Variants in FOXP1 observed in about 807,000 individuals in gnomAD.
The protein encoded by FOXP1 is forkhead box protein P1.
A neutral mutation model predicts 98.2 loss-of-function variants in FOXP1; 15 were observed. The observed-to-expected ratio is 0.15, with a 90% CI of 0.10 to 0.24. FOXP1 has a LOEUF of 0.24. Ranked by LOEUF, FOXP1 falls within the 10% of genes least tolerant of loss-of-function variation. The pLI, the probability that FOXP1 is intolerant of heterozygous loss-of-function variation, is 1.00. For synonymous variants in FOXP1, 371 were observed against 314.5 expected (o/e 1.18, Z -1.90); for missense variants, 633 against 848.5 (o/e 0.75, Z 3.15).
intron 14 of FOXP1, 82 bp from the exon 15 acceptor site, chr3:70,978,111 G>A: frequency 8.8e-7 from 1 of 1,129,996 alleles, no homozygotes; most frequent in South Asian, 1.2e-5. Flanking sequence ...GAGTAACACA[G>A]AGGATGCGTG....
At chr3:71,545,673 T>C (rs1269120960) in intron 2 of FOXP1, among the ~76,000 whole-genome samples, 1 of 152,220 alleles carries the variant, frequency 6.6e-6, no homozygotes, top group Non-Finnish European at 1.5e-5. Flanking sequence ...AGCTATAATA[T>C]AAATTTAACC....
intron 13 of FOXP1, among the ~76,000 whole-genome samples, chr3:70,989,225 C>T (rs1021558130): frequency 6.6e-6 from 1 of 151,862 alleles, no homozygotes; most frequent in Admixed American, 6.6e-5. Flanking sequence ...AAAGGGAAAC[C>T]GTACAAAAGG....
intron 2 of FOXP1, chr3:71,573,617 A>G (rs541753155): frequency 6.6e-6 from 1 of 152,342 alleles, no homozygotes; most frequent in South Asian, 2.1e-4. Flanking sequence ...AAGGCATGCA[A>G]AACAACAGCA....
In FOXP1 at chr3:71,439,956, A is replaced by AG. The variant is rs1489138320; in HGVS notation, c.-168+53469_-168+53470insC. 9.9e-5 allele frequency among the ~76,000 whole-genome samples: 15 copies of AG among 151,674 alleles called. No individual in the cohort carries two copies. In the East Asian group the frequency reaches 2.9e-3, roughly 29 times the overall value. ...GAGTGAGACTCTGTCTCAGGAAAAAAAAAAAAAAAAGGAGGAAGTTCTGAA... is the reference window on the plus strand; with the variant it reads ...GAGTGAGACTCTGTCTCAGGAAAAAAGAAAAAAAAAAGGAGGAAGTTCTGAA... On this transcript the variant is annotated intron_variant, in intron 3 of 20. Coordinates refer to ENST00000649528, the MANE Select transcript of FOXP1 (RefSeq NM_001349338.3).
At chr3:71,112,693 T>A in intron 6 of FOXP1, 56 bp from the exon 7 acceptor site, 2 of 1,346,502 alleles carry the variant, frequency 1.5e-6, no homozygotes, top group East Asian at 2.3e-5. Context: ...AGGGGACTCT[T>A]CATAAAAAAG....
chr3:71,197,153 T>C (rs539413640), intron 6 of FOXP1, among the ~76,000 whole-genome samples: 3 of 152,318 alleles, frequency 2.0e-5, no homozygotes, highest in Non-Finnish European at 2.9e-5. Flanking sequence ...TTGAGCACTT[T>C]GTCCCTATCT....
chr3:71,103,202 A>G (rs1222276969), intron 7 of FOXP1, among the ~76,000 whole-genome samples: 1 of 152,198 alleles, frequency 6.6e-6, no homozygotes, highest in East Asian at 1.9e-4. Flanking sequence ...GAATGCATGC[A>G]TGTATGAATG....
At chr3:71,280,126 C>CAAAA (rs56674677) in intron 5 of FOXP1, among the ~76,000 whole-genome samples, 1,403 of 105,522 alleles carry the variant, frequency 0.013, 8 homozygotes, top group African/African-American at 0.021. Context: ...CTGTCTCAAA[C>CAAAA]AAAAAAAAAA....
At chr3:71,452,488 T>C (rs899349233) in intron 3 of FOXP1, among the ~76,000 whole-genome samples, 2 of 152,116 alleles carry the variant, frequency 1.3e-5, no homozygotes, top group African/African-American at 4.8e-5. Context: ...ACTGGCAAAA[T>C]AATGAATGAG....
chr3:71,300,584 G>C (rs138118442), intron 4 of FOXP1, among the ~76,000 whole-genome samples: 1 of 152,098 alleles, frequency 6.6e-6, no homozygotes, highest in Non-Finnish European at 1.5e-5. Context: ...GCATACTCCC[G>C]TATGCAAAAC....
intron 5 of FOXP1, among the ~76,000 whole-genome samples, chr3:71,212,490 G>C (rs1490259530): frequency 1.3e-5 from 2 of 152,048 alleles, no homozygotes; most frequent in African/African-American, 4.8e-5. Context: ...CTAGTTCATG[G>C]GTATTACGCT....
intron 3 of FOXP1, among the ~76,000 whole-genome samples, chr3:71,373,935 A>G (rs1040928896): frequency 2.0e-5 from 3 of 152,196 alleles, no homozygotes; most frequent in Non-Finnish European, 4.4e-5. Flanking sequence ...TTCTGTTTCT[A>G]TATACTGCAG....
chr3:70,981,133 C>T (rs1223618065), intron 14 of FOXP1, among the ~76,000 whole-genome samples: 3 of 129,718 alleles, frequency 2.3e-5, no homozygotes, highest in African/African-American at 9.0e-5. Flanking sequence ...ATCAAAATGC[C>T]GAAAGGATGT....
At chr3:71,436,332 C>A (rs560745304) in intron 3 of FOXP1, among the ~76,000 whole-genome samples, 1 of 152,072 alleles carries the variant, frequency 6.6e-6, no homozygotes, top group Non-Finnish European at 1.5e-5. Flanking sequence ...CTGGTATAAG[C>A]CAGTGTTTTC....
intron 6 of FOXP1, among the ~76,000 whole-genome samples, chr3:71,138,799 T>A (rs892252996): frequency 1.3e-5 from 2 of 152,010 alleles, no homozygotes; most frequent in African/African-American, 2.4e-5. Flanking sequence ...AAATCTTAGA[T>A]CTCTTTAAAT....
At chr3:71,515,433 CA>C (rs35322006) in intron 2 of FOXP1, among the ~76,000 whole-genome samples, 10 of 96,948 alleles carry the variant, frequency 1.0e-4, no homozygotes, top group South Asian at 3.4e-4. Context: ...ATTTACACAG[CA>C]AAAAAAAAAA....
chr3:70,983,032 T>C (rs2039135037), intron 14 of FOXP1, among the ~76,000 whole-genome samples: 1 of 152,222 alleles, frequency 6.6e-6, no homozygotes, highest in Non-Finnish European at 1.5e-5. Flanking sequence ...CATGGCAGTG[T>C]CATTTCTGGG....
At chr3:70,971,871 T>C (rs1382272194) in intron 18 of FOXP1, 3 of 592,128 alleles carry the variant, frequency 5.1e-6, no homozygotes, top group Non-Finnish European at 2.7e-6. Context: ...GCAATACATG[T>C]ACAAATCACA....
rs369074999 is a variant in FOXP1 at position 70,958,631 on chromosome 3, GAAAAAAAA to G, written c.*608_*615del. 2 of 98,282 alleles carry G rather than the reference GAAAAAAAA, an allele frequency of 2.0e-5. No homozygotes were observed. Among genetic ancestry groups the G allele is most frequent in the East Asian group, 1.0e-4 (1 of 9,718 alleles). 6.1% of individuals were successfully genotyped at this position (98,282 alleles called of 1,614,324 possible). The stretch of plus-strand genomic sequence containing the variant: ...AGAACTTAAAATGGTATAGTAGAAG[GAAAAAAAA>G]AAAAAAAAAAAGCAATACATTAAAA... On this transcript the variant is annotated 3_prime_UTR_variant, in exon 21 of 21. Transcript: ENST00000649528.
Sources: gnomAD v4.1 joint callset for allele counts (sites outside exome capture counted in the v4.1 genomes callset) on GRCh38, gnomAD v4.1.1 for gene constraint, MANE v1.5 for transcripts, NCBI Gene and HGNC (gene_info 2026-07-23, HGNC 2026-07-21) for gene names.